KLRG1: variants seen among roughly 807,000 people sequenced by gnomAD.
KLRG1 encodes killer cell lectin like receptor G1.
Under a neutral mutation model 21.8 loss-of-function variants are expected in KLRG1, and 16 were observed. The ratio of observed to expected loss-of-function variants is 0.73; its 90% CI spans 0.50 to 1.11. KLRG1 has a LOEUF of 1.11. Ranked by LOEUF, KLRG1 falls within the 50% of genes most tolerant of loss-of-function variation. The pLI is 0.00. For synonymous variants in KLRG1, 69 were observed against 75.9 expected, an observed-to-expected ratio of 0.91 and a Z score of 0.47; for missense variants, 173 against 218.3, an observed-to-expected ratio of 0.79 and a Z score of 1.31.
chr12:9,153,139 A>G, the KLRG1 span: 2 of 1,614,112 alleles, frequency 1.2e-6, no homozygotes, highest in Admixed American at 1.7e-5. Flanking sequence ...AGATACACAC[A>G]TCTTTCCCCA....
chr12:9,076,618 A>G, the KLRG1 span: 4 of 722,962 alleles, frequency 5.5e-6, no homozygotes, highest in Non-Finnish European at 8.7e-6. Context: ...TATAAGATGC[A>G]ATATGGACAA....
chr12:9,215,372 A>C, the KLRG1 span, among the ~76,000 whole-genome samples: 2 of 152,208 alleles, frequency 1.3e-5, no homozygotes, highest in African/African-American at 4.8e-5. Flanking sequence ...AAGATCAAAC[A>C]AAAGAAGAAT....
the KLRG1 span, chr12:9,194,271 A>T: frequency 1.2e-6 from 2 of 1,605,674 alleles, no homozygotes; most frequent in East Asian, 4.5e-5. Context: ...AGTTGATGTG[A>T]ACAACACCCA....
At chr12:9,202,218 A>C in the KLRG1 span, 2 of 1,096,342 alleles carry the variant, frequency 1.8e-6, no homozygotes, top group Non-Finnish European at 2.7e-6. Flanking sequence ...TTCAAAAACA[A>C]GTGTCTTTCA....
chr12:9,074,108 G>C, the KLRG1 span, among the ~76,000 whole-genome samples: 1 of 131,534 alleles, frequency 7.6e-6, no homozygotes, highest in African/African-American at 2.8e-5. Context: ...AAAAAAAAAA[G>C]GTGAATAGGG....
chr12:9,004,963 TATCCGAAG>T (rs1318937194), intron 3 of KLRG1, among the ~76,000 whole-genome samples: 1 of 152,192 alleles, frequency 6.6e-6, no homozygotes, highest in Admixed American at 6.5e-5. Flanking sequence ...ATAGGGTATT[TATCCGAAG>T]GAAATAAAAT....
intron 3 of KLRG1, among the ~76,000 whole-genome samples, chr12:9,001,775 C>T (rs938387839): frequency 6.6e-6 from 1 of 152,128 alleles, no homozygotes; most frequent in South Asian, 2.1e-4. Flanking sequence ...TGGGAATTCC[C>T]CTGTCGCTGC....
the KLRG1 span, chr12:9,157,064 A>G: frequency 2.0e-6 from 2 of 1,023,006 alleles, no homozygotes; most frequent in Non-Finnish European, 2.8e-6. Flanking sequence ...TTAGCTATCT[A>G]TCCTGATGCT....
At chr12:9,204,472 A>G in the KLRG1 span, among the ~76,000 whole-genome samples, 1 of 152,252 alleles carries the variant, frequency 6.6e-6, no homozygotes, top group Non-Finnish European at 1.5e-5. Context: ...ATTACACAAA[A>G]TAACACATGT....
the KLRG1 span, chr12:9,158,581 G>T: frequency 0.029 from 47,229 of 1,613,730 alleles, 805 homozygotes; most frequent in Middle Eastern, 0.036. Flanking sequence ...GTGAGCCTAG[G>T]GGGAGGAAAA....
the KLRG1 span, chr12:9,192,543 C>T: frequency 6.2e-7 from 1 of 1,614,152 alleles, no homozygotes; most frequent in Non-Finnish European, 8.5e-7. Flanking sequence ...CGATAACTCT[C>T]CCATGGCCTG....
chr12:9,204,882 G>A, the KLRG1 span, among the ~76,000 whole-genome samples: 1 of 152,114 alleles, frequency 6.6e-6, no homozygotes, highest in East Asian at 1.9e-4. Flanking sequence ...GTCACTTGAG[G>A]CCAGGAGTTT....
the KLRG1 span, among the ~76,000 whole-genome samples, chr12:9,130,672 G>A: frequency 6.6e-6 from 1 of 151,486 alleles, no homozygotes; most frequent in Non-Finnish European, 1.5e-5. Context: ...TTGTTTAGTT[G>A]TGGGAGTTCT....
chr12:8,961,152 A>C (rs1946374968), intron 1 of KLRG1, among the ~76,000 whole-genome samples: 1 of 152,208 alleles, frequency 6.6e-6, no homozygotes, highest in Non-Finnish European at 1.5e-5. Flanking sequence ...CTGCTTTGAG[A>C]CTTGGGAGGC....
the KLRG1 span, among the ~76,000 whole-genome samples, chr12:9,125,540 C>G: frequency 1.3e-5 from 2 of 152,126 alleles, no homozygotes; most frequent in Non-Finnish European, 2.9e-5. Context: ...CAATTGATCA[C>G]ATTATTTTCA....
At chr12:9,121,133 A>G in the KLRG1 span, among the ~76,000 whole-genome samples, 2 of 152,098 alleles carry the variant, frequency 1.3e-5, no homozygotes, top group South Asian at 2.1e-4. The surrounding 1 kb of genome is among the most constrained non-coding windows in gnomAD (Gnocchi z 4.4). Flanking sequence ...GGATCTTCCT[A>G]TCTCGGCCCC....
the KLRG1 span, among the ~76,000 whole-genome samples, chr12:9,097,195 T>G: frequency 6.6e-6 from 1 of 152,208 alleles, no homozygotes; most frequent in African/African-American, 2.4e-5. Context: ...GAGATCCTAC[T>G]GTTGAAATGT....
rs74731171 is a variant in KLRG1 at position 8,976,974 on chromosome 12, C to T, written c.-155-15232C>T. On this transcript the variant is annotated intron_variant, in intron 1 of 4. Coordinates refer to the KLRG1 transcript ENST00000539240. ...CCATGTTGGTCAGGCTGGTCTTGAA[C>T]GCCTGACCTCAGATGATCTACCCGC... Among the ~76,000 whole-genome samples the T allele has an allele frequency of 6.4e-3, 976 of 152,130 alleles. 12 individuals are homozygous for T. The highest frequency in any genetic ancestry group is 0.022 in the African/African-American group (931 of 41,494).
the KLRG1 span, chr12:9,153,033 C>T: frequency 6.2e-7 from 1 of 1,604,580 alleles, no homozygotes; most frequent in Non-Finnish European, 8.5e-7. Context: ...TCCAGAGGTG[C>T]CTTTTACTTT....
Sources: allele counts gnomAD v4.1 joint callset (sites outside exome capture counted in the v4.1 genomes callset), GRCh38; gene constraint gnomAD v4.1.1; non-coding constraint Gnocchi (gnomAD v3.1); transcripts MANE v1.5; gene names NCBI Gene and HGNC (gene_info 2026-07-23, HGNC 2026-07-21).